The following EPHB1 variants were observed in gnomAD, a reference collection of about 807,000 sequenced individuals.
EPHB1 encodes ephrin type-B receptor 1.
EPHB1 carries 30 observed loss-of-function variants against 94.4 expected under a neutral mutation model. That is an observed-to-expected ratio of 0.32 (90% CI 0.24 to 0.43). The LOEUF (loss-of-function observed/expected upper bound fraction) is 0.43. Ranked by LOEUF, EPHB1 falls within the 20% of genes least tolerant of loss-of-function variation. The pLI, the probability that EPHB1 is intolerant of heterozygous loss-of-function variation, is 1.00. For synonymous variants in EPHB1, 522 were observed against 489.1 expected, an observed-to-expected ratio of 1.07 and a Z score of -0.89; for missense variants, 1,055 against 1,308.3, an observed-to-expected ratio of 0.81 and a Z score of 2.99.
At chr3:134,834,050 A>G (rs2036628001) in intron 1 of EPHB1, among the ~76,000 whole-genome samples, 2 of 152,150 alleles carry the variant, frequency 1.3e-5, no homozygotes, top group South Asian at 2.1e-4. Context: ...GGAGGCAGCT[A>G]AGATGGGGTG....
intron 1 of EPHB1, among the ~76,000 whole-genome samples, chr3:134,822,169 A>G (rs2036394461): frequency 6.6e-6 from 1 of 152,020 alleles, no homozygotes; most frequent in Admixed American, 6.5e-5. Context: ...CCTCTGCTTG[A>G]CCACTGCCTG....
At chr3:135,098,390 T>C (rs1938889023) in intron 3 of EPHB1, among the ~76,000 whole-genome samples, 2 of 152,286 alleles carry the variant, frequency 1.3e-5, no homozygotes, top group South Asian at 4.2e-4. Flanking sequence ...TCTCATACTC[T>C]ATAGTTTTAG....
intron 1 of EPHB1, among the ~76,000 whole-genome samples, chr3:134,908,454 A>C (rs928183137): frequency 6.6e-6 from 1 of 152,046 alleles, no homozygotes; most frequent in South Asian, 2.1e-4. Flanking sequence ...AGGGAAGGGG[A>C]TTTGTTCCCT....
intron 2 of EPHB1, among the ~76,000 whole-genome samples, chr3:134,934,719 A>AAG (rs3836286): frequency 1.3e-5 from 2 of 151,076 alleles, no homozygotes; most frequent in African/African-American, 2.4e-5. Context: ...GGGAGAGAGA[A>AAG]AGAGAGAGAG....
chr3:135,173,330 G>A (rs940182464), intron 9 of EPHB1, among the ~76,000 whole-genome samples: 7 of 152,152 alleles, frequency 4.6e-5, no homozygotes, highest in East Asian at 1.9e-4. Context: ...CACCGCGCCC[G>A]GCCTGAAATA....
intron 1 of EPHB1, among the ~76,000 whole-genome samples, chr3:134,871,500 T>C (rs1444644181): frequency 6.6e-6 from 1 of 152,120 alleles, no homozygotes; most frequent in East Asian, 1.9e-4. Context: ...ACAAACCAAG[T>C]AGATGTGAGG....
At chr3:134,971,739 G>T (rs1156859331) in intron 3 of EPHB1, among the ~76,000 whole-genome samples, 2 of 152,172 alleles carry the variant, frequency 1.3e-5, no homozygotes, top group African/African-American at 4.8e-5. Context: ...CCTGCTCTTT[G>T]ATTATCTCTG....
chr3:135,073,007 A>G (rs763894015), intron 3 of EPHB1, among the ~76,000 whole-genome samples: 1 of 152,162 alleles, frequency 6.6e-6, no homozygotes, highest in Non-Finnish European at 1.5e-5. Context: ...TCAACCAAGT[A>G]AATATTTGTT....
In EPHB1 at chr3:134,839,964, A is replaced by G. The variant is rs564213863; in HGVS notation, c.58+44275A>G. On this transcript the variant is annotated intron_variant, in intron 1 of 15. Transcript: ENST00000398015. ...CCCTGAGACCCTGGGGCATCCCACA[A>G]TGAGGTCCTGGGACAGGAGTAGGGA... Among the ~76,000 whole-genome samples the G allele has an allele frequency of 6.6e-5, 10 of 152,268 alleles. No homozygotes were observed. In the East Asian group the frequency reaches 7.7e-4, roughly 12 times the overall value.
chr3:134,809,892 C>A (rs556261495), intron 1 of EPHB1, among the ~76,000 whole-genome samples: 3 of 152,104 alleles, frequency 2.0e-5, no homozygotes, highest in Non-Finnish European at 4.4e-5. Context: ...GGACAGGCAG[C>A]GAATTAGGTC....
intron 3 of EPHB1, among the ~76,000 whole-genome samples, chr3:135,097,799 G>A (rs1057420138): frequency 2.0e-5 from 3 of 152,200 alleles, no homozygotes; most frequent in East Asian, 3.9e-4. Flanking sequence ...TTGGCTCCAA[G>A]TGCCCAGGAT....
chr3:134,954,114 T>G (rs1011128682), intron 3 of EPHB1, among the ~76,000 whole-genome samples: 3 of 152,178 alleles, frequency 2.0e-5, no homozygotes, highest in African/African-American at 2.4e-5. Context: ...GCGTGGAGAG[T>G]GGCATCTTGG....
chr3:135,108,350 T>G (rs1290440254), intron 4 of EPHB1, among the ~76,000 whole-genome samples: 1 of 152,260 alleles, frequency 6.6e-6, no homozygotes, highest in Non-Finnish European at 1.5e-5. Flanking sequence ...CTCTTGGGGC[T>G]GGCACACATG....
chr3:134,991,360 CTT>C (rs1179912630), intron 3 of EPHB1, among the ~76,000 whole-genome samples: 1 of 152,162 alleles, frequency 6.6e-6, no homozygotes, highest in African/African-American at 2.4e-5. Flanking sequence ...TTCTCTCTCT[CTT>C]AGACTTTGTT....
intron 12 of EPHB1, among the ~76,000 whole-genome samples, chr3:135,233,681 A>T (rs1015589715): frequency 6.6e-6 from 1 of 152,220 alleles, no homozygotes; most frequent in Non-Finnish European, 1.5e-5. Flanking sequence ...GCCCTAGCAG[A>T]GGTTCTTCAT....
At chr3:135,162,605 T>C (rs560935317) in intron 7 of EPHB1, among the ~76,000 whole-genome samples, 1 of 152,278 alleles carries the variant, frequency 6.6e-6, no homozygotes, top group Non-Finnish European at 1.5e-5. Context: ...AGAGACAAAA[T>C]GTGGGATGTG....
chr3:135,232,952 A>G (rs1483467214), intron 12 of EPHB1, among the ~76,000 whole-genome samples: 2 of 152,232 alleles, frequency 1.3e-5, no homozygotes, highest in African/African-American at 4.8e-5. Context: ...TGCCTCCATG[A>G]TTAAATTACC....
At chr3:135,082,984 C>T (rs1040866364) in intron 3 of EPHB1, among the ~76,000 whole-genome samples, 7 of 152,180 alleles carry the variant, frequency 4.6e-5, no homozygotes, top group African/African-American at 1.2e-4. Flanking sequence ...TGCTTCCGTG[C>T]GAGGGGCCTG....
chr3:135,065,199 G>A (rs1313533199), intron 3 of EPHB1, among the ~76,000 whole-genome samples: 1 of 152,136 alleles, frequency 6.6e-6, no homozygotes, highest in Non-Finnish European at 1.5e-5. Context: ...GGAATCTTCT[G>A]TATATATTTA....
Sources: gnomAD v4.1 joint callset for allele counts (sites outside exome capture counted in the v4.1 genomes callset) on GRCh38, gnomAD v4.1.1 for gene constraint, MANE v1.5 for transcripts, NCBI Gene and HGNC (gene_info 2026-07-23, HGNC 2026-07-21) for gene names.